The following JAK2 variants were observed in gnomAD, a reference collection of about 807,000 sequenced individuals.
JAK2 encodes tyrosine-protein kinase JAK2.
In JAK2, 86 loss-of-function variants were observed where a neutral mutation model predicts 139.3. The ratio of observed to expected loss-of-function variants is 0.62; its 90% CI spans 0.52 to 0.74. JAK2 has a LOEUF of 0.74. Among genes scored for constraint, JAK2 ranks in the 30% least tolerant of loss-of-function variants. JAK2 has a pLI of 0.00. For synonymous variants in JAK2, 490 were observed against 437.7 expected (o/e 1.12, Z -1.49); for missense variants, 1,421 against 1,360.3 (o/e 1.04, Z -0.70).
At chr9:5,085,457 C>G in intron 19 of JAK2, 1 of 734,762 alleles carries the variant, frequency 1.4e-6, no homozygotes, top group Non-Finnish European at 2.6e-6. Flanking sequence ...AAGGTCTTTT[C>G]AAGGTATTGT....
chr9:5,115,155 A>C (rs886404859), intron 22 of JAK2, among the ~76,000 whole-genome samples: 1 of 152,180 alleles, frequency 6.6e-6, no homozygotes, highest in African/African-American at 2.4e-5. Context: ...AATTTTTTGC[A>C]ATCTAGCCAC....
Position 5,128,969 on chromosome 9 carries a change from T to C in JAK2, c.*2178T>C, listed in dbSNP as rs1012407559. On this transcript the variant is annotated 3_prime_UTR_variant, in exon 25 of 25. Transcript: ENST00000381652. Reference sequence around the variant, plus strand: ...ATCTTTATATAAATGACTTTTTCCATGGGTACTTGTTTGGAAAATAGTCAC... The same window carrying C: ...ATCTTTATATAAATGACTTTTTCCACGGGTACTTGTTTGGAAAATAGTCAC... Among the ~76,000 whole-genome samples, 3 of 152,032 alleles carry C rather than the reference T, an allele frequency of 2.0e-5. No individual in the cohort carries two copies. Among genetic ancestry groups the C allele is most frequent in the Non-Finnish European group, 4.4e-5 (3 of 67,866 alleles).
chr9:5,064,881 A>C lies in JAK2; in HGVS notation c.1057-2A>C. On this transcript the variant is annotated splice_acceptor_variant, in intron 8 of 24. Coordinates refer to ENST00000381652, the MANE Select transcript of JAK2 (RefSeq NM_004972.4). LOFTEE classifies it high-confidence loss of function. ...CTATTTCTTTTTCTTTTCTCTGCTT[A>C]GGAAATTGAACTTAGCTCATTAAGG... 1 of 1,558,268 alleles carries C rather than the reference A, an allele frequency of 6.4e-7. No individual in the cohort carries two copies. Among genetic ancestry groups the C allele is most frequent in the Non-Finnish European group, 8.7e-7 (1 of 1,152,650 alleles).
intron 22 of JAK2, chr9:5,110,812 T>G (rs1822421744): frequency 4.6e-6 from 2 of 434,034 alleles, no homozygotes; most frequent in Non-Finnish European, 8.9e-6. Context: ...CTGGGGGCCC[T>G]GCTGCATCGC....
At chr9:5,094,572 A>G (rs1221524841) in intron 22 of JAK2, 1 of 152,108 alleles carries the variant, frequency 6.6e-6, no homozygotes, top group Non-Finnish European at 1.5e-5. Context: ...ATGCATCACA[A>G]TGCCAGAATT....
Position 5,090,438 on chromosome 9 carries a change from G to GT in JAK2, c.2762-6dup, listed in dbSNP as rs1563994320. 15 of 1,526,226 alleles carry GT rather than the reference G, an allele frequency of 9.8e-6. No homozygotes were observed. Among genetic ancestry groups the GT allele is most frequent in the African/African-American group, 1.4e-5 (1 of 72,168 alleles). The allele number at this position is 1,526,226 out of a possible 1,614,324, so 94.5% of individuals were successfully genotyped here. ...AGTAAAACATTATTTCCACCTTTAT[G>GT]TTAAAAGGTCGGCGTAATCTAAAAT... On this transcript the variant is annotated splice_region_variant and splice_polypyrimidine_tract_variant and intron_variant, in intron 20 of 24. Transcript: ENST00000381652.
intron 8 of JAK2, among the ~76,000 whole-genome samples, chr9:5,056,052 C>T (rs931060607): frequency 6.6e-6 from 1 of 151,894 alleles, no homozygotes; most frequent in Non-Finnish European, 1.5e-5. Context: ...TTACTTTCTC[C>T]CCCATCCCTA....
intron 19 of JAK2, among the ~76,000 whole-genome samples, chr9:5,083,978 G>A (rs905489250): frequency 6.6e-6 from 1 of 151,724 alleles, no homozygotes; most frequent in African/African-American, 2.4e-5. Context: ...ATATTCTTTT[G>A]AGACATAATT....
intron 8 of JAK2, among the ~76,000 whole-genome samples, chr9:5,062,162 A>G (rs545829588): frequency 3.3e-5 from 5 of 152,248 alleles, no homozygotes; most frequent in African/African-American, 1.2e-4. Context: ...GATGGAAAAT[A>G]TAGTATTCAC....
rs1317884300 is a variant in JAK2, at chr9:5,054,843, T to A, written c.895T>A (p.Ser299Thr). ...IITGNGGIQW[S>T]RGKHKESETL... ...AACTGGAAACGGTGGAATTCAGTGG[T>A]CAAGAGGGAAACATAAAGAAAGTGA... The change falls in exon 7 of 25, where the codon TCA (serine) becomes ACA (threonine). Residue 299 changes from serine (S) to threonine (T), a missense_variant. Ser to Thr is a moderately conservative substitution (Grantham distance 58). Coordinates refer to ENST00000381652, the MANE Select transcript of JAK2 (RefSeq NM_004972.4). This position sits in a 1 kb window ranked among gnomAD's most constrained non-coding sequence, Gnocchi z 4.9. 6.2e-7 allele frequency: 1 copy of A among 1,610,372 alleles called. No individual in the cohort carries two copies. The highest frequency in any genetic ancestry group is 1.1e-5 in the South Asian group (1 of 90,604).
At chr9:4,993,504 T>A (rs1449767812) in intron 2 of JAK2, among the ~76,000 whole-genome samples, 2 of 152,238 alleles carry the variant, frequency 1.3e-5, no homozygotes, top group Non-Finnish European at 2.9e-5. Flanking sequence ...CTGCTGAGAA[T>A]CTCCTTAATT....
chr9:5,047,597 A>T (rs1298877305), intron 5 of JAK2, among the ~76,000 whole-genome samples: 4 of 152,088 alleles, frequency 2.6e-5, no homozygotes, highest in East Asian at 1.9e-4. Context: ...TGAAGATGTA[A>T]ATTTCTTAAG....
chr9:5,127,542 T>TA lies in JAK2; in HGVS notation c.*752dup. On this transcript the variant is annotated 3_prime_UTR_variant, in exon 25 of 25. Coordinates refer to ENST00000381652, the MANE Select transcript of JAK2 (RefSeq NM_004972.4). ...ATTTTATTATGGTTTCCCTTGTATC[T>TA]ATTTGTGGTGAATGTGTTTTTTAAA... The TA allele has an allele frequency of 4.3e-6, 1 of 231,244 alleles. No homozygotes were observed. The highest frequency in any genetic ancestry group is 8.6e-6 in the Non-Finnish European group (1 of 116,508). 14.3% of individuals were successfully genotyped at this position (231,244 alleles called of 1,614,324 possible). A position where few individuals can be genotyped will look rare whatever the true frequency, so the allele number is the denominator to read the frequency against.
At chr9:5,004,791 G>C (rs1022176428) in intron 2 of JAK2, among the ~76,000 whole-genome samples, 1 of 151,878 alleles carries the variant, frequency 6.6e-6, no homozygotes, top group African/African-American at 2.4e-5. Context: ...ACCAATGCTT[G>C]TTATCCTTAT....
intron 2 of JAK2, among the ~76,000 whole-genome samples, chr9:5,012,292 T>G (rs1821752049): frequency 1.3e-5 from 2 of 152,332 alleles, no homozygotes; most frequent in Admixed American, 6.5e-5. Flanking sequence ...TGTATTCCCC[T>G]TCTTTCAAGG....
intron 4 of JAK2, among the ~76,000 whole-genome samples, chr9:5,039,875 A>G (rs1816354545): frequency 6.6e-6 from 1 of 152,200 alleles, no homozygotes; most frequent in South Asian, 2.1e-4. Flanking sequence ...TATTTTTAAG[A>G]TGGCAATACT....
intron 4 of JAK2, among the ~76,000 whole-genome samples, chr9:5,039,650 G>C (rs1816337099): frequency 6.6e-6 from 1 of 152,010 alleles, no homozygotes; most frequent in African/African-American, 2.4e-5. Context: ...TTGCAGAATA[G>C]AAGATCAATA....
intron 23 of JAK2, 71 bp downstream of exon 23, chr9:5,123,192 A>C (rs1347843076): frequency 6.6e-6 from 7 of 1,066,196 alleles, no homozygotes; most frequent in Non-Finnish European, 9.8e-6. Flanking sequence ...ATGGGGTACA[A>C]GTACAATTTT....
chr9:5,115,261 G>A (rs572531574), intron 22 of JAK2, among the ~76,000 whole-genome samples: 12 of 152,248 alleles, frequency 7.9e-5, no homozygotes, highest in Admixed American at 7.2e-4. Flanking sequence ...GATATGAACA[G>A]ACACTTCTCA....
Sources: gnomAD v4.1 joint callset for allele counts (sites outside exome capture counted in the v4.1 genomes callset) on GRCh38, gnomAD v4.1.1 for gene constraint, Gnocchi (gnomAD v3.1) non-coding constraint, MANE v1.5 for transcripts, NCBI Gene and HGNC (gene_info 2026-07-23, HGNC 2026-07-21) for gene names.